The following FANCI variants were observed in gnomAD, a reference collection of about 807,000 sequenced individuals.
FANCI encodes the protein Fanconi anemia group I protein.
Under a neutral mutation model 176.1 loss-of-function variants are expected in FANCI, and 156 were observed. The ratio of observed to expected loss-of-function variants is 0.89; its 90% CI spans 0.78 to 1.01. The LOEUF (loss-of-function observed/expected upper bound fraction) is 1.01. Ranked by LOEUF, FANCI falls within the 50% of genes least tolerant of loss-of-function variation. The pLI is 0.00. For synonymous variants in FANCI, 613 were observed against 541.7 expected, an observed-to-expected ratio of 1.13 and a Z score of -1.83; for missense variants, 1,678 against 1,534.1, an observed-to-expected ratio of 1.09 and a Z score of -1.57.
intron 24 of FANCI, among the ~76,000 whole-genome samples, chr15:89,295,743 CTTTTTTTTTTTGTTGTTGTT>C (rs1163718029): frequency 1.6e-5 from 2 of 127,418 alleles, no homozygotes; most frequent in Admixed American, 7.7e-5. Flanking sequence ...CCCCCCCCAC[CTTTTTTTTTTTGTTGTTGTT>C]GTTGTTTTGG....
intron 12 of FANCI, among the ~76,000 whole-genome samples, chr15:89,274,825 G>T (rs1287085741): frequency 2.6e-5 from 4 of 151,666 alleles, no homozygotes; most frequent in Admixed American, 2.6e-4. Context: ...GGCTGGTCTT[G>T]AACTTCTGAG....
At chr15:89,251,549 A>G (rs1452996613) in intron 2 of FANCI, among the ~76,000 whole-genome samples, 1 of 152,220 alleles carries the variant, frequency 6.6e-6, no homozygotes, top group Non-Finnish European at 1.5e-5. Flanking sequence ...CCTCATAAAG[A>G]TAGCATAGAA....
chr15:89,258,809 C>T lies in FANCI; in HGVS notation c.157+33C>T, dbSNP rs756173314. 10 of 1,458,368 alleles carry T rather than the reference C, an allele frequency of 6.9e-6. No individual in the cohort carries two copies. In the East Asian group the frequency reaches 1.8e-4, roughly 26 times the overall value. The allele number at this position is 1,458,368 out of a possible 1,614,324, so 90.3% of individuals were successfully genotyped here. A position where few individuals can be genotyped will look rare whatever the true frequency, so the allele number is the denominator to read the frequency against. On this transcript the variant is annotated intron_variant, in intron 3 of 37. Transcript: ENST00000310775. ...TAATTAATGTCACTTCTGTCTGTCT[C>T]CTGCATTCATTGGTAGATTTGTTTA...
At chr15:89,274,745 C>T (rs950847564) in intron 12 of FANCI, among the ~76,000 whole-genome samples, 5 of 151,474 alleles carry the variant, frequency 3.3e-5, no homozygotes, top group Non-Finnish European at 7.4e-5. Flanking sequence ...CCTGGTATTA[C>T]AGGCATGCTC....
chr15:89,302,218 G>A (rs961975016), intron 27 of FANCI, among the ~76,000 whole-genome samples: 2 of 152,148 alleles, frequency 1.3e-5, no homozygotes, highest in African/African-American at 2.4e-5. Context: ...CTGTAGCCTG[G>A]GAGTATGAAG....
At chr15:89,273,334 G>C in intron 10 of FANCI, 43 bp from the exon 11 acceptor site, 1 of 768,122 alleles carries the variant, frequency 1.3e-6, no homozygotes, top group South Asian at 1.6e-5. Flanking sequence ...AAAGAAAAAA[G>C]AAAATGTAAG....
At chr15:89,289,936 C>T (rs1179806576) in intron 18 of FANCI, among the ~76,000 whole-genome samples, 1 of 152,084 alleles carries the variant, frequency 6.6e-6, no homozygotes, top group Non-Finnish European at 1.5e-5. Flanking sequence ...AAGTGATCTG[C>T]CTGTCTCAGC....
At chr15:89,251,877 G>A (rs919502377) in intron 2 of FANCI, among the ~76,000 whole-genome samples, 1 of 152,102 alleles carries the variant, frequency 6.6e-6, no homozygotes, top group Non-Finnish European at 1.5e-5. Flanking sequence ...ATCTTAGTGG[G>A]AAACCATAGA....
chr15:89,260,501 G>A (rs1264111906), intron 3 of FANCI, among the ~76,000 whole-genome samples: 4 of 152,148 alleles, frequency 2.6e-5, no homozygotes, highest in South Asian at 2.1e-4. Flanking sequence ...AAAATAATAG[G>A]TAGATGAAGA....
In FANCI at chr15:89,244,003, T is replaced by G. The variant is rs1172983505; in HGVS notation, c.-50T>G. 1 of 152,576 alleles carries G rather than the reference T, an allele frequency of 6.6e-6. No homozygotes were observed. Among genetic ancestry groups the G allele is most frequent in the African/African-American group, 2.4e-5 (1 of 41,470 alleles). 9.5% of individuals were successfully genotyped at this position (152,576 alleles called of 1,614,324 possible). A position where few individuals can be genotyped will look rare whatever the true frequency, so the allele number is the denominator to read the frequency against. Reference sequence around the variant, plus strand: ...TAACGGAAGTGTGGCGGCGTTGGGTTGAGCGGGCTTTTTGGAAGTTTGTGG... The same window carrying G: ...TAACGGAAGTGTGGCGGCGTTGGGTGGAGCGGGCTTTTTGGAAGTTTGTGG... On this transcript the variant is annotated 5_prime_UTR_variant, in exon 1 of 38. Transcript: ENST00000310775.
chr15:89,296,429 G>GTTTTGT (rs761362209), intron 24 of FANCI, among the ~76,000 whole-genome samples: 1 of 151,644 alleles, frequency 6.6e-6, no homozygotes, highest in Non-Finnish European at 1.5e-5. Context: ...TTTTTGTTTT[G>GTTTTGT]TTTTGTTTTT....
At chr15:89,308,067 T>G in intron 34 of FANCI, 1 of 1,133,412 alleles carries the variant, frequency 8.8e-7, no homozygotes, top group Non-Finnish European at 1.1e-6. Flanking sequence ...GAGGGCACTT[T>G]CAGGGAAGTG....
intron 10 of FANCI, among the ~76,000 whole-genome samples, chr15:89,269,794 G>C (rs1392690114): frequency 6.6e-6 from 1 of 151,858 alleles, no homozygotes; most frequent in Non-Finnish European, 1.5e-5. Flanking sequence ...TTATATTGTG[G>C]GATATTATTC....
rs753333895 is a variant in FANCI at position 89,273,510 on chromosome 15, GT to G, written c.975+42del. ...GCCATTTTGTTTCTTTCTGTAGTTG[GT>G]AAAAAAAAAAAAAAAAAAAAAAAAT... On this transcript the variant is annotated intron_variant, in intron 11 of 37. Transcript: ENST00000310775. The G allele has an allele frequency of 5.7e-3, 3,776 of 660,242 alleles. 120 individuals carry two copies. The African/African-American group carries it at 0.092, about 16-fold the overall frequency. The allele number at this position is 660,242 out of a possible 1,614,324, so 40.9% of individuals were successfully genotyped here. A position where few individuals can be genotyped will look rare whatever the true frequency, so the allele number is the denominator to read the frequency against.
intron 6 of FANCI, among the ~76,000 whole-genome samples, chr15:89,263,057 G>A (rs748306128): frequency 3.9e-5 from 6 of 152,168 alleles, no homozygotes; most frequent in Non-Finnish European, 8.8e-5. Flanking sequence ...ATATCTAGAT[G>A]ACCTTTTATA....
At chr15:89,266,765 A>C (rs1382303924) in intron 9 of FANCI, among the ~76,000 whole-genome samples, 1 of 152,138 alleles carries the variant, frequency 6.6e-6, no homozygotes, top group Non-Finnish European at 1.5e-5. Context: ...AAGCTGCCAC[A>C]CCCAGCAGAG....
rs1434427258 is a variant in FANCI at position 89,268,478 on chromosome 15, A to G, written c.835A>G (p.Ile279Val). The G allele has an allele frequency of 5.6e-6, 9 of 1,614,208 alleles. No homozygotes were observed. The highest frequency in any genetic ancestry group is 6.8e-6 in the Non-Finnish European group (8 of 1,180,028). ...CATTATTCTACACATTGTGTTTGCC[A>G]TCAAATTGGACTATGAACTAGGCAG... ...GTIILHIVFA[I>V]KLDYELGREL... Residue 279 changes from isoleucine (I) to valine (V), a missense_variant, in exon 10 of 38, where the codon ATC becomes GTC. Physicochemically the swap from Ile to Val is conservative, Grantham distance 29. Coordinates refer to ENST00000310775, the MANE Select transcript of FANCI (RefSeq NM_001113378.2).
intron 4 of FANCI, 60 bp downstream of exon 4, chr15:89,260,903 TGAG>T: frequency 6.2e-7 from 1 of 1,600,054 alleles, no homozygotes; most frequent in Non-Finnish European, 8.5e-7. Context: ...TGTAATTTGT[TGAG>T]GGAAGGAAAA....
chr15:89,312,605 A>C (rs949695000), intron 34 of FANCI, among the ~76,000 whole-genome samples: 3 of 152,208 alleles, frequency 2.0e-5, no homozygotes, highest in Non-Finnish European at 2.9e-5. Flanking sequence ...AGATCACCTG[A>C]GGCCAGGAGT....
Sources: gnomAD v4.1 joint callset for allele counts (sites outside exome capture counted in the v4.1 genomes callset) on GRCh38, gnomAD v4.1.1 for gene constraint, MANE v1.5 for transcripts, NCBI Gene and HGNC (gene_info 2026-07-23, HGNC 2026-07-21) for gene names.